TTC39B: variants seen among roughly 807,000 people sequenced by gnomAD.
TTC39B encodes the protein tetratricopeptide repeat protein 39B.
TTC39B carries 92 observed loss-of-function variants against 96.6 expected under a neutral mutation model. That is an observed-to-expected ratio of 0.95 (90% CI 0.80 to 1.13). The LOEUF (loss-of-function observed/expected upper bound fraction) is 1.13, where lower values mean the gene tolerates loss of function less well. Ranked by LOEUF, TTC39B falls within the 50% of genes most tolerant of loss-of-function variation. The pLI is 0.00. For missense variants in TTC39B, 955 were observed against 809.3 expected, an observed-to-expected ratio of 1.18 and a Z score of -2.18; for synonymous variants, 367 against 299.4, an observed-to-expected ratio of 1.23 and a Z score of -2.33.
intron 2 of TTC39B, among the ~76,000 whole-genome samples, chr9:15,239,387 C>A (rs1365826184): frequency 1.3e-5 from 2 of 152,174 alleles, no homozygotes; most frequent in Non-Finnish European, 2.9e-5. Context: ...AATAGTGCTA[C>A]CATTTGAGAC....
intron 2 of TTC39B, among the ~76,000 whole-genome samples, chr9:15,247,923 C>T (rs1822356233): frequency 6.6e-6 from 1 of 152,004 alleles, no homozygotes; most frequent in Non-Finnish European, 1.5e-5. Flanking sequence ...CTTCAAGGAG[C>T]ACAGAGTTGC....
chr9:15,237,769 G>A (rs1169714682), intron 2 of TTC39B, among the ~76,000 whole-genome samples: 3 of 151,822 alleles, frequency 2.0e-5, no homozygotes, highest in African/African-American at 7.3e-5. Flanking sequence ...ATTTGAGGAG[G>A]TGCAATAACA....
intron 18 of TTC39B, among the ~76,000 whole-genome samples, chr9:15,175,758 T>G (rs1357998195): frequency 1.3e-5 from 2 of 152,222 alleles, no homozygotes; most frequent in Admixed American, 6.5e-5. Context: ...TGATGCTGAA[T>G]GAGCCCTGTG....
At chr9:15,228,811 T>C (rs534283419) in intron 2 of TTC39B, among the ~76,000 whole-genome samples, 1 of 152,340 alleles carries the variant, frequency 6.6e-6, no homozygotes, top group East Asian at 1.9e-4. Flanking sequence ...GCTAAAATTA[T>C]TGTATCTTTA....
chr9:15,187,536 T>A (rs1015831285), intron 14 of TTC39B, among the ~76,000 whole-genome samples: 6 of 152,212 alleles, frequency 3.9e-5, no homozygotes, highest in African/African-American at 1.4e-4. Flanking sequence ...CATAGCTCAC[T>A]GTAGCCTCGA....
At chr9:15,189,925 A>G in intron 11 of TTC39B, 133 bp from the exon 12 acceptor site, 1 of 654,432 alleles carries the variant, frequency 1.5e-6, no homozygotes, top group South Asian at 1.9e-5. Context: ...CATCATTTTT[A>G]TATCTGGGGA....
intron 2 of TTC39B, among the ~76,000 whole-genome samples, chr9:15,257,178 C>G (rs555126851): frequency 6.6e-5 from 10 of 152,176 alleles, no homozygotes; most frequent in Non-Finnish European, 1.0e-4. Flanking sequence ...ACAGATTAAA[C>G]TATAGCTCTA....
At chr9:15,261,267 C>A (rs1362376526) in intron 2 of TTC39B, among the ~76,000 whole-genome samples, 2 of 152,014 alleles carry the variant, frequency 1.3e-5, no homozygotes, top group Non-Finnish European at 2.9e-5. Context: ...TCACTTGAGT[C>A]CAGGAGTTCA....
rs759894384 is a variant in TTC39B at position 15,189,545 on chromosome 9, C to T, written c.1233+29G>A. 26 of 1,613,078 alleles carry T rather than the reference C, an allele frequency of 1.6e-5. No individual in the cohort carries two copies. In the East Asian group the frequency reaches 2.9e-4, roughly 18 times the overall value. On this transcript the variant is annotated intron_variant, in intron 13 of 19. Transcript: ENST00000512701. ...GTAGGAGTCGCCATACAGACAACTC[C>T]CCCAAATAATTCCCACCTAATAAAT...
chr9:15,295,864 C>A (rs1204016886), intron 1 of TTC39B, among the ~76,000 whole-genome samples: 1 of 152,142 alleles, frequency 6.6e-6, no homozygotes, highest in South Asian at 2.1e-4. Flanking sequence ...GGTCAATGAG[C>A]CCTTGATTGA....
intron 2 of TTC39B, among the ~76,000 whole-genome samples, chr9:15,237,473 A>G (rs1308008669): frequency 6.6e-6 from 1 of 152,218 alleles, no homozygotes; most frequent in Admixed American, 6.5e-5. Context: ...CCACAGAAAT[A>G]CAAATGATCA....
At chr9:15,218,637 T>A (rs550077) in intron 3 of TTC39B, among the ~76,000 whole-genome samples, 9,102 of 98,146 alleles carry the variant, frequency 0.093, 911 homozygotes, top group African/African-American at 0.32. Flanking sequence ...CTATTTTAAA[T>A]ATATATATAT....
At chr9:15,287,802 C>T (rs112100680) in intron 1 of TTC39B, among the ~76,000 whole-genome samples, 85 of 151,942 alleles carry the variant, frequency 5.6e-4, no homozygotes, top group African/African-American at 1.3e-3. Context: ...AAAAATTAGC[C>T]GGGCATGGTG....
Position 15,182,387 on chromosome 9 carries a change from GA to G in TTC39B, c.1642del (p.Ser548GlnfsTer2). 1 of 1,611,208 alleles carries G rather than the reference GA, an allele frequency of 6.2e-7. No individual in the cohort carries two copies. The highest frequency in any genetic ancestry group is 8.5e-7 in the Non-Finnish European group (1 of 1,178,822). On this transcript the variant is annotated frameshift_variant, in exon 17 of 20. Transcript: ENST00000512701. LOFTEE classifies it high-confidence loss of function. ...AAGGTCTTTTCTTTTGCTCACTATT[GA>G]AAAACCATTCCAGACATACATCATT...
intron 7 of TTC39B, among the ~76,000 whole-genome samples, chr9:15,201,229 A>G (rs1185115080): frequency 6.6e-6 from 1 of 152,114 alleles, no homozygotes; most frequent in African/African-American, 2.4e-5. Context: ...CAACCAGAAA[A>G]GAATTTCTTA....
chr9:15,231,415 C>G (rs1821415351), intron 2 of TTC39B, among the ~76,000 whole-genome samples: 1 of 152,170 alleles, frequency 6.6e-6, no homozygotes. Flanking sequence ...TGGTATCTCA[C>G]TGTAGTTTTT....
intron 1 of TTC39B, among the ~76,000 whole-genome samples, chr9:15,302,902 G>A (rs949964295): frequency 6.6e-6 from 1 of 151,968 alleles, no homozygotes; most frequent in African/African-American, 2.4e-5. Flanking sequence ...GGGCGCAGTG[G>A]CTCATGCCTG....
intron 16 of TTC39B, among the ~76,000 whole-genome samples, chr9:15,183,742 T>G (rs944592571): frequency 6.6e-6 from 1 of 152,220 alleles, no homozygotes; most frequent in African/African-American, 2.4e-5. Context: ...AGGCTCTAAT[T>G]GGTTAAGCAA....
At chr9:15,215,710 T>A (rs149337894) in intron 3 of TTC39B, among the ~76,000 whole-genome samples, 4 of 146,614 alleles carry the variant, frequency 2.7e-5, no homozygotes, top group African/African-American at 1.0e-4. Flanking sequence ...ATACAAAAAT[T>A]AGCTAGGCTG....
Sources: gnomAD v4.1 joint callset for allele counts (sites outside exome capture counted in the v4.1 genomes callset) on GRCh38, gnomAD v4.1.1 for gene constraint, MANE v1.5 for transcripts, NCBI Gene and HGNC (gene_info 2026-07-23, HGNC 2026-07-21) for gene names.